The following EHBP1 variants were observed in gnomAD, a reference collection of about 807,000 sequenced individuals.
EHBP1 encodes EH domain-binding protein 1.
A neutral mutation model predicts 144.0 loss-of-function variants in EHBP1; 55 were observed. The observed-to-expected ratio is 0.38, with a 90% CI of 0.31 to 0.48. EHBP1 has a LOEUF of 0.48. Ranked by LOEUF, EHBP1 falls within the 20% of genes least tolerant of loss-of-function variation. The pLI is 0.98. For synonymous variants in EHBP1, 469 were observed against 472.7 expected (o/e 0.99, Z 0.10); for missense variants, 1,200 against 1,364.2 (o/e 0.88, Z 1.90).
Position 62,948,802 on chromosome 2 carries a change from G to C in EHBP1, c.1956G>C (p.Lys652Asn). Residue 652 changes from lysine to asparagine, a missense_variant, in exon 13 of 23, where the codon AAG becomes AAC. Physicochemically the swap from Lys to Asn is moderately conservative, Grantham distance 94. Coordinates refer to ENST00000431489, the MANE Select transcript of EHBP1 (RefSeq NM_001142616.3). Reference sequence around the variant, plus strand: ...AAGCACAGGTTTTGTTAGGCAAAAAGAGACTATTGAAAGCTGAGACTTTAG... The same window carrying C: ...AAGCACAGGTTTTGTTAGGCAAAAACAGACTATTGAAAGCTGAGACTTTAG... ...STQAQVLLGK[K>N]RLLKAETLEL... 1 of 1,614,156 alleles carries C rather than the reference G, an allele frequency of 6.2e-7. No homozygotes were observed.
intron 10 of EHBP1, among the ~76,000 whole-genome samples, chr2:62,899,780 C>A (rs553200183): frequency 6.6e-6 from 1 of 152,162 alleles, no homozygotes; most frequent in African/African-American, 2.4e-5. Flanking sequence ...ACTTCAAAGA[C>A]GTCTATCTGC....
At chr2:62,852,599 G>A (rs1206204708) in intron 7 of EHBP1, among the ~76,000 whole-genome samples, 3 of 151,892 alleles carry the variant, frequency 2.0e-5, no homozygotes, top group Non-Finnish European at 2.9e-5. Context: ...GTTAGCTGCT[G>A]TTGTTAATAT....
chr2:62,855,590 A>G (rs1404736882), intron 7 of EHBP1, among the ~76,000 whole-genome samples: 4 of 152,114 alleles, frequency 2.6e-5, no homozygotes, highest in Non-Finnish European at 5.9e-5. Context: ...CCCATGAACC[A>G]ATCAGCATGC....
chr2:62,887,213 A>G (rs569298259), intron 10 of EHBP1, among the ~76,000 whole-genome samples: 16 of 152,186 alleles, frequency 1.1e-4, no homozygotes, highest in South Asian at 2.1e-4. Flanking sequence ...AGCCACGCCA[A>G]CCTCCACCTA....
chr2:62,703,720 A>G (rs2034344563), upstream of EHBP1, among the ~76,000 whole-genome samples: 1 of 152,236 alleles, frequency 6.6e-6, no homozygotes, highest in South Asian at 2.1e-4. Flanking sequence ...AATTTTCCAC[A>G]ACTTGAGGAA....
chr2:62,722,892 C>T (rs186990348), intron 2 of EHBP1, among the ~76,000 whole-genome samples: 4 of 152,256 alleles, frequency 2.6e-5, no homozygotes, highest in Admixed American at 2.6e-4. Context: ...GATTTCAGTT[C>T]TTTTGCTCCT....
At chr2:63,027,769 A>T (rs2061044361) in intron 19 of EHBP1, among the ~76,000 whole-genome samples, 1 of 152,236 alleles carries the variant, frequency 6.6e-6, no homozygotes, top group Non-Finnish European at 1.5e-5. Flanking sequence ...CATTGAACTC[A>T]TAGAGAACAC....
chr2:62,963,819 G>A (rs764272326), intron 14 of EHBP1, among the ~76,000 whole-genome samples: 6 of 152,088 alleles, frequency 3.9e-5, no homozygotes, highest in Admixed American at 6.5e-5. Flanking sequence ...CTATGAGCTG[G>A]AATGTCTATG....
chr2:62,719,628 G>A (rs2036017744), intron 2 of EHBP1, among the ~76,000 whole-genome samples: 3 of 152,288 alleles, frequency 2.0e-5, no homozygotes, highest in Admixed American at 6.5e-5. Context: ...ACTGTGGATT[G>A]AAAATATTTG....
chr2:62,919,982 C>T (rs1470207610), intron 10 of EHBP1, among the ~76,000 whole-genome samples: 1 of 151,988 alleles, frequency 6.6e-6, no homozygotes, highest in Admixed American at 6.6e-5. Flanking sequence ...GCCTAAAGTA[C>T]CTGTGAGACA....
At chr2:62,839,159 C>T (rs1168994726) in intron 7 of EHBP1, among the ~76,000 whole-genome samples, 1 of 151,050 alleles carries the variant, frequency 6.6e-6, no homozygotes, top group African/African-American at 2.4e-5. Context: ...AAGTGGGCTT[C>T]ATCCGTGGGA....
At chr2:62,948,170 C>A in intron 12 of EHBP1, 90 bp from the exon 13 acceptor site, 2 of 1,231,500 alleles carry the variant, frequency 1.6e-6, no homozygotes, top group Non-Finnish European at 2.2e-6. Flanking sequence ...AACATGTACC[C>A]AAACAACAAA....
At chr2:63,031,893 C>A (rs1479782546) in intron 19 of EHBP1, among the ~76,000 whole-genome samples, 2 of 152,104 alleles carry the variant, frequency 1.3e-5, no homozygotes, top group Non-Finnish European at 2.9e-5. Flanking sequence ...CGTGTCACTG[C>A]ACTTCAGCCT....
chr2:62,815,903 C>T (rs1029734867), intron 5 of EHBP1, among the ~76,000 whole-genome samples: 2 of 152,100 alleles, frequency 1.3e-5, no homozygotes, highest in African/African-American at 4.8e-5. Context: ...TATAATGTTG[C>T]AAAGTCACGC....
At chr2:62,684,678 T>TA (rs2033658999) in intron 1 of EHBP1, among the ~76,000 whole-genome samples, 1 of 152,156 alleles carries the variant, frequency 6.6e-6, no homozygotes, top group Non-Finnish European at 1.5e-5. Flanking sequence ...TTTTTCATGC[T>TA]AAAAAATATT....
At chr2:62,793,923 G>A (rs930515338) in intron 5 of EHBP1, among the ~76,000 whole-genome samples, 3 of 152,092 alleles carry the variant, frequency 2.0e-5, no homozygotes, top group African/African-American at 7.2e-5. Context: ...TGAAGTTAAG[G>A]CCTGGATTTG....
At chr2:62,762,224 C>T (rs2040825363) in intron 3 of EHBP1, among the ~76,000 whole-genome samples, 1 of 152,352 alleles carries the variant, frequency 6.6e-6, no homozygotes, top group Non-Finnish European at 1.5e-5. Flanking sequence ...TACCACTAGA[C>T]TTTCAGGATG....
chr2:62,968,095 C>A (rs534901337), intron 14 of EHBP1, among the ~76,000 whole-genome samples: 1 of 152,112 alleles, frequency 6.6e-6, no homozygotes, highest in African/African-American at 2.4e-5. Context: ...GCTCTGCCCA[C>A]CCCATCACTG....
rs10700628 is a variant in EHBP1 at position 62,895,278 on chromosome 2, TATCATC to T, written c.1185+20783_1185+20788del. ...GATGCATTTTACTGTATGTAAATTCTATCATCATCATCATCATCATCATCATCATCA... is the reference window on the plus strand; with the variant it reads ...GATGCATTTTACTGTATGTAAATTCTATCATCATCATCATCATCATCATCA... On this transcript the variant is annotated intron_variant, in intron 10 of 22. Coordinates refer to ENST00000431489, the MANE Select transcript of EHBP1 (RefSeq NM_001142616.3). Among the ~76,000 whole-genome samples, 443 of 149,788 alleles carry T rather than the reference TATCATC, an allele frequency of 3.0e-3. 5 individuals carry two copies. The highest frequency in any genetic ancestry group is 8.3e-3 in the African/African-American group (339 of 40,724).
Sources: gnomAD v4.1 joint callset for allele counts (sites outside exome capture counted in the v4.1 genomes callset) on GRCh38, gnomAD v4.1.1 for gene constraint, MANE v1.5 for transcripts, NCBI Gene and HGNC (gene_info 2026-07-23, HGNC 2026-07-21) for gene names.